NDST3: variants seen among roughly 807,000 people sequenced by gnomAD.
NDST3 encodes bifunctional heparan sulfate N-deacetylase/N-sulfotransferase 3.
In NDST3, 58 loss-of-function variants were observed where a neutral mutation model predicts 96.1. The observed-to-expected ratio is 0.60, with a 90% CI of 0.49 to 0.75. The LOEUF (loss-of-function observed/expected upper bound fraction) is 0.75, where lower values mean the gene tolerates loss of function less well. Ranked by LOEUF, NDST3 falls within the 30% of genes least tolerant of loss-of-function variation. The pLI is 0.00. For missense variants in NDST3, 788 were observed against 1,034.2 expected (o/e 0.76, Z 3.27); for synonymous variants, 333 against 359.7 (o/e 0.93, Z 0.84).
chr4:118,149,102 C>T (rs925904797), intron 6 of NDST3, among the ~76,000 whole-genome samples: 2 of 152,044 alleles, frequency 1.3e-5, no homozygotes, highest in Non-Finnish European at 2.9e-5. Context: ...CTGTTCTGTT[C>T]CATTGATCTA....
chr4:118,102,366 T>A (rs1257560983), intron 2 of NDST3, among the ~76,000 whole-genome samples: 1 of 152,030 alleles, frequency 6.6e-6, no homozygotes, highest in African/African-American at 2.4e-5. Context: ...ATTCCTTACC[T>A]CCTCCATGAC....
At chr4:118,244,091 A>G (rs1578866143) in intron 12 of NDST3, among the ~76,000 whole-genome samples, 1 of 152,172 alleles carries the variant, frequency 6.6e-6, no homozygotes, top group Admixed American at 6.5e-5. Context: ...CTGCAGGTGG[A>G]GATACTGTGT....
chr4:118,037,261 TCTG>T lies in NDST3; in HGVS notation c.-156+2672_-156+2674del, dbSNP rs534242376. Among the ~76,000 whole-genome samples, 624 of 152,328 alleles carry T rather than the reference TCTG, an allele frequency of 4.1e-3. 3 individuals are homozygous for T. Among genetic ancestry groups the T allele is most frequent in the African/African-American group, 0.014 (589 of 41,574 alleles). On this transcript the variant is annotated intron_variant, in intron 1 of 13. Transcript: ENST00000296499. ...GGTGATAAGTACTATTGTCTAGATTTCTGCTAAGTAGAGATGTTACAGTTTTTA... is the reference window on the plus strand; with the variant it reads ...GGTGATAAGTACTATTGTCTAGATTTCTAAGTAGAGATGTTACAGTTTTTA...
At chr4:118,087,434 C>T (rs1201860936) in intron 2 of NDST3, among the ~76,000 whole-genome samples, 1 of 152,062 alleles carries the variant, frequency 6.6e-6, no homozygotes, top group Admixed American at 6.6e-5. Flanking sequence ...CTTTCCCTTC[C>T]CATCAGCACT....
chr4:118,211,424 A>G (rs886259192), intron 6 of NDST3, among the ~76,000 whole-genome samples: 15 of 148,190 alleles, frequency 1.0e-4, no homozygotes, highest in Admixed American at 6.0e-4. Flanking sequence ...ATGAATATAC[A>G]TAGAAATATA....
At chr4:118,238,263 C>A (rs964727067) in intron 10 of NDST3, among the ~76,000 whole-genome samples, 1 of 151,852 alleles carries the variant, frequency 6.6e-6, no homozygotes, top group Non-Finnish European at 1.5e-5. Context: ...TTCTACATCC[C>A]TGAGAGCCTA....
chr4:118,126,347 T>C (rs10008049), intron 4 of NDST3, among the ~76,000 whole-genome samples: 120,329 of 151,692 alleles, frequency 0.79, 50,146 homozygotes, highest in South Asian at 0.92. Flanking sequence ...GTTTTATATA[T>C]CACAAATAAG....
At chr4:118,223,445 T>C (rs1403725528) in intron 6 of NDST3, among the ~76,000 whole-genome samples, 1 of 152,036 alleles carries the variant, frequency 6.6e-6, no homozygotes, top group Non-Finnish European at 1.5e-5. Context: ...AATAATTTAT[T>C]TGTAAAAGTT....
chr4:118,120,887 A>G (rs957492112), intron 4 of NDST3, among the ~76,000 whole-genome samples: 1 of 152,096 alleles, frequency 6.6e-6, no homozygotes, highest in Non-Finnish European at 1.5e-5. Context: ...TTTTTCTTTC[A>G]TGTGCACTTT....
intron 6 of NDST3, among the ~76,000 whole-genome samples, chr4:118,186,015 G>A (rs911682288): frequency 6.6e-6 from 1 of 152,134 alleles, no homozygotes; most frequent in Non-Finnish European, 1.5e-5. Flanking sequence ...TGGGAAAACA[G>A]TGGGTTTTAT....
At chr4:118,174,442 T>C (rs1381422995) in intron 6 of NDST3, among the ~76,000 whole-genome samples, 1 of 152,174 alleles carries the variant, frequency 6.6e-6, no homozygotes, top group East Asian at 1.9e-4. Flanking sequence ...TATATGGAAG[T>C]AACACATTAT....
At chr4:118,106,358 C>A (rs1553931844) in intron 3 of NDST3, among the ~76,000 whole-genome samples, 2 of 150,998 alleles carry the variant, frequency 1.3e-5, no homozygotes, top group South Asian at 4.2e-4. Flanking sequence ...AATTTTTTTT[C>A]TTTTTGAGAC....
rs543557204 is a variant in NDST3 at position 118,166,351 on chromosome 4, T to C, written c.1539+22667T>C. Among the ~76,000 whole-genome samples, 4 of 152,024 alleles carry C rather than the reference T, an allele frequency of 2.6e-5. No individual in the cohort carries two copies. In the South Asian group the frequency reaches 6.2e-4, roughly 24 times the overall value. ...CACATACAACCCCCAAGACTTCATCTTGAAGAAATAGAAAATCTGAGCAGG... is the reference window on the plus strand; with the variant it reads ...CACATACAACCCCCAAGACTTCATCCTGAAGAAATAGAAAATCTGAGCAGG... On this transcript the variant is annotated intron_variant, in intron 6 of 13. Coordinates refer to ENST00000296499, the MANE Select transcript of NDST3 (RefSeq NM_004784.3).
At chr4:118,095,551 C>A (rs1729229556) in intron 2 of NDST3, among the ~76,000 whole-genome samples, 1 of 148,970 alleles carries the variant, frequency 6.7e-6, no homozygotes. Flanking sequence ...GTTGTACATT[C>A]TGTTTTTTTT....
At chr4:118,157,303 T>A (rs1734774935) in intron 6 of NDST3, among the ~76,000 whole-genome samples, 1 of 151,738 alleles carries the variant, frequency 6.6e-6, no homozygotes, top group South Asian at 2.1e-4. Flanking sequence ...ATTTTAAAAA[T>A]TTAAATTATT....
At chr4:118,046,555 A>G (rs1724772189) in intron 1 of NDST3, among the ~76,000 whole-genome samples, 1 of 152,164 alleles carries the variant, frequency 6.6e-6, no homozygotes, top group Non-Finnish European at 1.5e-5. Flanking sequence ...GCAGGAACAT[A>G]TGCACAGTAC....
At chr4:118,066,584 A>AATATGTTATATATTATATGT (rs1560619147) in intron 2 of NDST3, among the ~76,000 whole-genome samples, 1 of 8,986 alleles carries the variant, frequency 1.1e-4, no homozygotes, top group African/African-American at 1.5e-4. Context: ...CATTATATAT[A>AATATGTTATATATTATATGT]ACATGTTATA....
At chr4:118,039,289 G>A (rs1724316112) in intron 1 of NDST3, among the ~76,000 whole-genome samples, 1 of 152,142 alleles carries the variant, frequency 6.6e-6, no homozygotes, top group African/African-American at 2.4e-5. Context: ...TTATATTATT[G>A]CCTTGACTGT....
rs559864620 is a variant in NDST3 at position 118,138,391 on chromosome 4, T to C, written c.1410+152T>C. The C allele has an allele frequency of 7.8e-4, 476 of 610,288 alleles. 2 individuals carry two copies. The highest frequency in any genetic ancestry group is 3.1e-4 in the Non-Finnish European group (121 of 388,438). 37.8% of individuals were successfully genotyped at this position (610,288 alleles called of 1,614,324 possible). On this transcript the variant is annotated intron_variant, in intron 5 of 13. Transcript: ENST00000296499. ...TTTGTCATATCTAAGCAGAAAATGT[T>C]TTAATTAAAATCACTTCTTTTCAAT... is the stretch of plus-strand genomic sequence containing the variant.
Sources: allele counts gnomAD v4.1 joint callset (sites outside exome capture counted in the v4.1 genomes callset), GRCh38; gene constraint gnomAD v4.1.1; transcripts MANE v1.5; gene names NCBI Gene and HGNC (gene_info 2026-07-23, HGNC 2026-07-21).